AQP7: variants seen among roughly 807,000 people sequenced by gnomAD.
The protein encoded by AQP7 is aquaporin 7, also known as aquaporin-7.
Under a neutral mutation model 26.1 loss-of-function variants are expected in AQP7, and 22 were observed. The observed-to-expected ratio is 0.84, with a 90% confidence interval of 0.60 to 1.20. The LOEUF is 1.20. AQP7 is among the 50% of genes most tolerant of loss of function. AQP7 has a pLI of 0.00. For synonymous variants in AQP7, 167 were observed against 181.7 expected, an observed-to-expected ratio of 0.92 and a Z score of 0.65; for missense variants, 412 against 457.5, an observed-to-expected ratio of 0.90 and a Z score of 0.91.
At chr9:33,397,565 T>C (rs1039501688) in intron 2 of AQP7, among the ~76,000 whole-genome samples, 3 of 151,984 alleles carry the variant, frequency 2.0e-5, no homozygotes, top group African/African-American at 7.3e-5. Context: ...AAGACTGGGA[T>C]GGGTGAGCTA....
In AQP7 at chr9:33,384,730, A is replaced by C. The variant is rs1399686857; in HGVS notation, c.*275T>G. 2.1e-5 allele frequency: 7 copies of C among 340,208 alleles called. No homozygotes were observed. Among genetic ancestry groups the C allele is most frequent in the Non-Finnish European group, 3.2e-5 (6 of 188,160 alleles). The allele number at this position is 340,208 out of a possible 1,614,324, so 21.1% of individuals were successfully genotyped here. ...CCACCCTTCCTTCCCCCGTGCCTGA[A>C]AATCCCTCATTCTGTCGTTCTTTCA... On this transcript the variant is annotated 3_prime_UTR_variant, in exon 8 of 8. Coordinates refer to ENST00000297988, the MANE Select transcript of AQP7 (RefSeq NM_001170.3).
At position 33,387,667 on chromosome 9, in the gene AQP7, C is replaced by T. The variant is rs527829663; in HGVS notation, c.145-575G>A. ...GCTGCTGCTTCTTGCCCATCCCTCA[C>T]GGCTCCTCAGATAATGACGCCTTCA... On this transcript the variant is annotated intron_variant, in intron 3 of 7. Coordinates refer to ENST00000297988, the MANE Select transcript of AQP7 (RefSeq NM_001170.3). Among the ~76,000 whole-genome samples, 15 of 152,154 alleles carry T rather than the reference C, an allele frequency of 9.9e-5. No homozygotes were observed. In the East Asian group the frequency reaches 1.6e-3, roughly 16 times the overall value.
At chr9:33,385,500 G>A (rs1564166694) in intron 7 of AQP7, 149 bp downstream of exon 7, 3 of 1,073,384 alleles carry the variant, frequency 2.8e-6, no homozygotes, top group Non-Finnish European at 1.4e-6. Context: ...TACTGGCCTG[G>A]GGAAATGTTG....
rs777307381 is a variant in AQP7, at chr9:33,386,149, G to A, written c.453C>T (p.Pro151=). 137 of 1,613,856 alleles carry A rather than the reference G, an allele frequency of 8.5e-5. No individual in the cohort carries two copies. Among genetic ancestry groups the A allele is most frequent in the Middle Eastern group, 1.6e-4 (1 of 6,076 alleles). Residue 151 remains proline (P), a synonymous_variant, in exon 6 of 8, where the codon CCC becomes CCT. Transcript: ENST00000297988. ...TGGCAAAAATGCCAGCTGTAGCGAC[G>A]GGACCGGTCACCATCAGCTGTCCAC... is the stretch of plus-strand genomic sequence containing the variant. ...FSGGQLMVTG[P]VATAGIFATY...
rs201542687 is a variant in AQP7, at chr9:33,387,127, C to T, written c.145-35G>A. On this transcript the variant is annotated intron_variant, in intron 3 of 7. Transcript: ENST00000297988. ...AGGGCCTCTAAGGGGGCTGCCTGCC[C>T]AGAAGCCCCAACCTCAGAGGAGGGC... The T allele has an allele frequency of 2.7e-3, 4,365 of 1,593,176 alleles. 31 individuals are homozygous for T. The highest frequency in any genetic ancestry group is 2.6e-3 in the Non-Finnish European group (3,082 of 1,168,010).
chr9:33,383,514 A>G lies in AQP7; in HGVS notation c.*1491T>C, dbSNP rs1195793784. 2 of 152,354 alleles carry G rather than the reference A, an allele frequency of 1.3e-5. No homozygotes were observed. Among genetic ancestry groups the G allele is most frequent in the Non-Finnish European group, 1.5e-5 (1 of 68,094 alleles). The allele number at this position is 152,354 out of a possible 1,614,324, so 9.4% of individuals were successfully genotyped here. A position where few individuals can be genotyped will look rare whatever the true frequency, so the allele number is the denominator to read the frequency against. On this transcript the variant is annotated 3_prime_UTR_variant, in exon 8 of 8. Coordinates refer to ENST00000297988, the MANE Select transcript of AQP7 (RefSeq NM_001170.3). ...TCCCTCACCCACTCCATCCAAATGG[A>G]ACCCAAGTCCTGTACATTGTACTTC... is the stretch of plus-strand genomic sequence containing the variant.
rs1283616808 is a variant in AQP7, at chr9:33,384,952, T to G, written c.*53A>C. 3.2e-6 allele frequency: 5 copies of G among 1,549,898 alleles called. No homozygotes were observed. Among genetic ancestry groups the G allele is most frequent in the Non-Finnish European group, 4.4e-6 (5 of 1,144,060 alleles). ...CCCCCAGGAAGTGGGGGTACTGCTG[T>G]CGGACAAGCCTTGCTTTATTGGGGA... On this transcript the variant is annotated 3_prime_UTR_variant, in exon 8 of 8. Transcript: ENST00000297988.
rs533296488 is a variant in AQP7, at chr9:33,385,765, G to A, written c.627C>T (p.Leu209=). The stretch of plus-strand genomic sequence containing the variant: ...CAAGGGACACCCCGATGATGACCAC[G>A]AGGATGCCTATCACCAGCGCCTCTG... ...PGTEALVIGI[L]VVIIGVSLGM... The change falls in exon 7 of 8, where the codon CTC becomes CTT. Residue 209 remains leucine, a synonymous_variant. Transcript: ENST00000297988. The A allele has an allele frequency of 5.4e-5, 87 of 1,613,702 alleles. No individual in the cohort carries two copies. Among genetic ancestry groups the A allele is most frequent in the Non-Finnish European group, 6.1e-5 (72 of 1,180,014 alleles).
chr9:33,390,112 C>T (rs1373577512), intron 3 of AQP7, among the ~76,000 whole-genome samples: 1 of 149,638 alleles, frequency 6.7e-6, no homozygotes, highest in Non-Finnish European at 1.5e-5. Context: ...GCCTGAGGAG[C>T]GGGGGAGAGA....
chr9:33,389,469 C>T (rs1205892321), intron 3 of AQP7, among the ~76,000 whole-genome samples: 1 of 152,218 alleles, frequency 6.6e-6, no homozygotes, highest in Non-Finnish European at 1.5e-5. Flanking sequence ...GCCACCATGC[C>T]TGGCCAGAAT....
rs140976103 is a variant in AQP7, at chr9:33,386,502, G to A, written c.308C>T (p.Ala103Val). 63 of 1,612,260 alleles carry A rather than the reference G, an allele frequency of 3.9e-5. No homozygotes were observed. The highest frequency in any genetic ancestry group is 2.8e-4 in the African/African-American group (21 of 75,050). ...MNAAVTFANC[A>V]LGRVPWRKFP... ...CTTCCTCCAGGGCACGCGGCCCAGC[G>A]CACAGTTAGCAAAGGTCACAGCTGC... Residue 103 changes from alanine (A) to valine (V), a missense_variant, in exon 5 of 8, where the codon GCG (alanine) becomes GTG (valine). Transcript: ENST00000297988.
intron 2 of AQP7, chr9:33,400,886 C>T (rs1826220456): frequency 3.5e-6 from 1 of 289,436 alleles, no homozygotes; most frequent in East Asian, 6.2e-5. Context: ...GGCCAGAAAG[C>T]TAACAAGGCT....
In AQP7 at chr9:33,385,753, G is replaced by A. The variant is rs187791092; in HGVS notation, c.639C>T (p.Ile213=). ...CTGTGTTCATGCCAAGGGACACCCC[G>A]ATGATGACCACGAGGATGCCTATCA... ...ALVIGILVVI[I]GVSLGMNTGY... Residue 213 remains isoleucine, a synonymous_variant, in exon 7 of 8, where the codon ATC becomes ATT. Coordinates refer to ENST00000297988, the MANE Select transcript of AQP7 (RefSeq NM_001170.3). 29 of 1,613,856 alleles carry A rather than the reference G, an allele frequency of 1.8e-5. No individual in the cohort carries two copies. Among genetic ancestry groups the A allele is most frequent in the East Asian group, 4.5e-5 (2 of 44,890 alleles).
In AQP7 at chr9:33,386,195, G is replaced by A. The variant is rs199840488; in HGVS notation, c.407C>T (p.Thr136Met). 41 of 1,613,856 alleles carry A rather than the reference G, an allele frequency of 2.5e-5. No homozygotes were observed. The highest frequency in any genetic ancestry group is 3.3e-4 in the Middle Eastern group (2 of 6,078). The change falls in exon 6 of 8, where the codon ACG becomes ATG. Residue 136 changes from threonine to methionine, a missense_variant and splice_region_variant. Physicochemically the swap from Thr to Met is moderately conservative, Grantham distance 81. Coordinates refer to ENST00000297988, the MANE Select transcript of AQP7 (RefSeq NM_001170.3). Reference protein sequence around the residue: ...AAATIYSLFYTAILHFSGGQL... With the variant: ...AAATIYSLFYMAILHFSGGQL... ...TCCACCCGAAAAGTGGAGAATGGCC[G>A]CTGCGGAGACACAGACTGTCATGCG...
At chr9:33,386,052 G>A (rs764179843) in intron 6 of AQP7, 25 bp downstream of exon 6, 1 of 1,611,950 alleles carries the variant, frequency 6.2e-7, no homozygotes, top group African/African-American at 1.3e-5. Context: ...GGCAGGGGGA[G>A]GGATACTCAT....
intron 2 of AQP7, among the ~76,000 whole-genome samples, chr9:33,400,350 A>T (rs1449179362): frequency 2.6e-5 from 4 of 152,126 alleles, no homozygotes; most frequent in African/African-American, 9.7e-5. Context: ...CAGCCAGAGT[A>T]ATCCTTGTTG....
intron 3 of AQP7, among the ~76,000 whole-genome samples, chr9:33,390,472 TA>T (rs72343275): frequency 0.06 from 8,537 of 142,740 alleles, 758 homozygotes; most frequent in African/African-American, 0.2. Context: ...TTTGCTGATT[TA>T]AAAAAAAAAA....
Position 33,402,506 on chromosome 9 carries a change from C to T in AQP7, c.-159G>A, listed in dbSNP as rs1826369385. 6.5e-6 allele frequency: 1 copy of T among 152,800 alleles called. No homozygotes were observed. Among genetic ancestry groups the T allele is most frequent in the Non-Finnish European group, 1.5e-5 (1 of 68,158 alleles). 9.5% of individuals were successfully genotyped at this position (152,800 alleles called of 1,614,324 possible). ...GCTGGGGCTCAGCTATCCCTGTGTC[C>T]CCAGTCCAGAGCCTGCCTCTCAGCT... On this transcript the variant is annotated 5_prime_UTR_variant, in exon 1 of 8. Coordinates refer to ENST00000297988, the MANE Select transcript of AQP7 (RefSeq NM_001170.3).
Position 33,387,062 on chromosome 9 carries a change from C to T in AQP7, c.175G>A (p.Val59Ile). 1 of 1,611,856 alleles carries T rather than the reference C, an allele frequency of 6.2e-7. No homozygotes were observed. Among genetic ancestry groups the T allele is most frequent in the South Asian group, 1.1e-5 (1 of 90,990 alleles). ...VFGLGSVAHMVLNKKYGSYLG... is the reference protein window; with the variant it reads ...VFGLGSVAHMILNKKYGSYLG... ...TAGCTCCCATATTTTTTATTTAGAACCATATGGGCCACGGAACCAAGGCCG... is the reference window on the plus strand; with the variant it reads ...TAGCTCCCATATTTTTTATTTAGAATCATATGGGCCACGGAACCAAGGCCG... The change falls in exon 4 of 8, where the codon GTT becomes ATT. Residue 59 changes from valine to isoleucine, a missense_variant. Transcript: ENST00000297988.
Sources: allele counts gnomAD v4.1 joint callset (sites outside exome capture counted in the v4.1 genomes callset), GRCh38; gene constraint gnomAD v4.1.1; transcripts MANE v1.5; gene names NCBI Gene and HGNC (gene_info 2026-07-23, HGNC 2026-07-21).